Variants in SLC12A6 observed in about 807,000 individuals in gnomAD.
SLC12A6 encodes the protein solute carrier family 12 member 6, also known as K-Cl cotransporter 3.
A neutral mutation model predicts 135.3 loss-of-function variants in SLC12A6; 66 were observed. The observed-to-expected ratio is 0.49, with a 90% CI of 0.40 to 0.60. The LOEUF is 0.60. SLC12A6 is among the 20% of genes least tolerant of loss of function. The pLI is 0.00. For missense variants in SLC12A6, 1,058 were observed against 1,452.3 expected (o/e 0.73, Z 4.41); for synonymous variants, 513 against 508.8 (o/e 1.01, Z -0.11).
At position 34,239,838 on chromosome 15, in the gene SLC12A6, T is replaced by G. The variant is rs552620607; in HGVS notation, c.2437-678A>C. Among the ~76,000 whole-genome samples, 13 of 152,318 alleles carry G rather than the reference T, an allele frequency of 8.5e-5. No homozygotes were observed. In the East Asian group the frequency reaches 2.5e-3, roughly 29 times the overall value. On this transcript the variant is annotated intron_variant, in intron 19 of 25. Coordinates refer to ENST00000354181, the MANE Select transcript of SLC12A6 (RefSeq NM_001365088.1). Reference sequence around the variant, plus strand: ...GATGCGGCTAAGAACTAGGCTCTCCTGATTTTCAATCCTGTGTACCTTTTA... The same window carrying G: ...GATGCGGCTAAGAACTAGGCTCTCCGGATTTTCAATCCTGTGTACCTTTTA...
intron 21 of SLC12A6, among the ~76,000 whole-genome samples, chr15:34,237,789 G>C (rs1891372166): frequency 6.6e-6 from 1 of 152,154 alleles, no homozygotes; most frequent in Non-Finnish European, 1.5e-5. Flanking sequence ...CAAAAGAAAA[G>C]ATGGTTCACG....
At chr15:34,296,371 T>C (rs1211058130) in intron 2 of SLC12A6, among the ~76,000 whole-genome samples, 2 of 152,114 alleles carry the variant, frequency 1.3e-5, no homozygotes, top group Non-Finnish European at 2.9e-5. Context: ...GTGATACAGA[T>C]AGGAAATATT....
chr15:34,305,528 T>C (rs1364665360), intron 2 of SLC12A6, among the ~76,000 whole-genome samples: 1 of 152,068 alleles, frequency 6.6e-6, no homozygotes, highest in Admixed American at 6.6e-5. Flanking sequence ...TAAGACAGTG[T>C]TCTAGGTATT....
chr15:34,325,698 G>T (rs1889413130), intron 2 of SLC12A6, among the ~76,000 whole-genome samples: 1 of 152,118 alleles, frequency 6.6e-6, no homozygotes, highest in Non-Finnish European at 1.5e-5. Flanking sequence ...AAGGCAAAGA[G>T]TTCTCCAAGT....
intron 3 of SLC12A6, among the ~76,000 whole-genome samples, chr15:34,262,702 G>C (rs77641184): frequency 2.7e-4 from 41 of 152,130 alleles, no homozygotes; most frequent in African/African-American, 9.9e-4. Flanking sequence ...GCGGACACCC[G>C]TCTGGGCGCC....
rs1219344067 is a variant in SLC12A6, at chr15:34,255,307, T to C, written c.831A>G (p.Thr277=). Residue 277 remains threonine, a synonymous_variant, in exon 8 of 26, where the codon ACA becomes ACG. Coordinates refer to ENST00000354181, the MANE Select transcript of SLC12A6 (RefSeq NM_001365088.1). The part of the protein sequence containing the change: ...AVGLCFYLGT[T]FAAAMYILGA... ...CAAGGATGTACATGGCTGCTGCAAATGTGGTACCAAGATAAAAGCAGAGGC... is the reference window on the plus strand; with the variant it reads ...CAAGGATGTACATGGCTGCTGCAAACGTGGTACCAAGATAAAAGCAGAGGC... The C allele has an allele frequency of 1.9e-6, 3 of 1,611,342 alleles. No homozygotes were observed. The highest frequency in any genetic ancestry group is 1.3e-5 in the African/African-American group (1 of 74,998).
intron 2 of SLC12A6, among the ~76,000 whole-genome samples, chr15:34,276,419 G>A (rs745359581): frequency 6.6e-5 from 10 of 152,092 alleles, no homozygotes; most frequent in Non-Finnish European, 1.3e-4. Context: ...AAAATTCGTG[G>A]CAATAAGCCA....
In SLC12A6 at chr15:34,230,006, G is replaced by A; in HGVS notation, c.*3875C>T. ...ACCATAACCCAAGGCTGAAAATAAT[G>A]TAGAAAACTTTATTTTTGTTTCCAG... On this transcript the variant is annotated 3_prime_UTR_variant, in exon 26 of 26. Transcript: ENST00000354181. 1.7e-6 allele frequency: 1 copy of A among 577,162 alleles called. No individual in the cohort carries two copies. The highest frequency in any genetic ancestry group is 3.0e-6 in the Non-Finnish European group (1 of 328,970). 35.8% of individuals were successfully genotyped at this position (577,162 alleles called of 1,614,324 possible).
chr15:34,299,687 T>A (rs1255032149), intron 2 of SLC12A6: 1 of 152,186 alleles, frequency 6.6e-6, no homozygotes, highest in Non-Finnish European at 1.5e-5. Context: ...ATGGAATAAA[T>A]GTGTTAAAGC....
intron 16 of SLC12A6, among the ~76,000 whole-genome samples, chr15:34,243,310 G>A (rs1891776155): frequency 6.6e-6 from 1 of 152,194 alleles, no homozygotes; most frequent in African/African-American, 2.4e-5. Context: ...ATTGGTAAGT[G>A]AAGACAGAAA....
chr15:34,296,685 T>A (rs1263542148), intron 2 of SLC12A6, among the ~76,000 whole-genome samples: 6 of 152,198 alleles, frequency 3.9e-5, no homozygotes, highest in Non-Finnish European at 8.8e-5. Flanking sequence ...GCGTTGCTAA[T>A]GCAGCAGAGT....
At chr15:34,250,798 G>C (rs916741831) in intron 11 of SLC12A6, 69 bp from the exon 12 acceptor site, 1 of 1,366,330 alleles carries the variant, frequency 7.3e-7, no homozygotes, top group African/African-American at 1.4e-5. Flanking sequence ...TGATAGCAAA[G>C]AGTAGAAGCA....
intron 3 of SLC12A6, 76 bp downstream of exon 3, chr15:34,275,269 A>G: frequency 1.3e-6 from 1 of 765,356 alleles, no homozygotes; most frequent in Admixed American, 1.8e-5. Context: ...AGAATCAGAG[A>G]AGGGAGTAAT....
At chr15:34,266,607 A>C (rs1345298067) in intron 3 of SLC12A6, among the ~76,000 whole-genome samples, 1 of 152,010 alleles carries the variant, frequency 6.6e-6, no homozygotes, top group Non-Finnish European at 1.5e-5. Context: ...ATGAAGAGCT[A>C]ATTTTTGGAT....
chr15:34,239,251 T>C, intron 19 of SLC12A6, 91 bp from the exon 20 acceptor site: 1 of 952,102 alleles, frequency 1.1e-6, no homozygotes. Context: ...CCCCACCTTT[T>C]TCCAAAGTCT....
chr15:34,249,295 C>T (rs1892221151), intron 13 of SLC12A6, among the ~76,000 whole-genome samples: 1 of 152,136 alleles, frequency 6.6e-6, no homozygotes, highest in Admixed American at 6.5e-5. Context: ...TGTGTTGGTT[C>T]ATGCCTATAA....
chr15:34,265,325 A>C (rs2140818701), intron 3 of SLC12A6, among the ~76,000 whole-genome samples: 1 of 152,158 alleles, frequency 6.6e-6, no homozygotes, highest in South Asian at 2.1e-4. Flanking sequence ...TGGACATGGC[A>C]GTTAAAGACC....
intron 2 of SLC12A6, among the ~76,000 whole-genome samples, chr15:34,308,024 T>C (rs897024292): frequency 6.6e-6 from 1 of 152,230 alleles, no homozygotes; most frequent in Admixed American, 6.5e-5. Flanking sequence ...ATTCTACCTA[T>C]ATTAGTATTT....
At chr15:34,333,912 T>C (rs1890028377) in intron 2 of SLC12A6, among the ~76,000 whole-genome samples, 1 of 151,640 alleles carries the variant, frequency 6.6e-6, no homozygotes, top group South Asian at 2.1e-4. Flanking sequence ...CTCTACTAAA[T>C]ACAAAAAATT....
Sources: allele counts gnomAD v4.1 joint callset (sites outside exome capture counted in the v4.1 genomes callset), GRCh38; gene constraint gnomAD v4.1.1; transcripts MANE v1.5; gene names NCBI Gene and HGNC (gene_info 2026-07-23, HGNC 2026-07-21).